Variants in TRNT1 observed in about 807,000 individuals in gnomAD.
The protein encoded by TRNT1 is tRNA nucleotidyl transferase 1.
A neutral mutation model predicts 45.6 loss-of-function variants in TRNT1; 44 were observed. The observed-to-expected ratio is 0.97, with a 90% CI of 0.76 to 1.24. The LOEUF is 1.24. Among genes scored for constraint, TRNT1 ranks in the 50% most tolerant of loss-of-function variants. TRNT1 has a pLI of 0.00. For synonymous variants in TRNT1, 201 were observed against 171.4 expected, an observed-to-expected ratio of 1.17 and a Z score of -1.35; for missense variants, 633 against 504.4, an observed-to-expected ratio of 1.25 and a Z score of -2.44.
intron 2 of TRNT1, chr3:3,136,590 C>A: frequency 2.4e-6 from 1 of 419,386 alleles, no homozygotes; most frequent in African/African-American, 2.1e-5. Context: ...AACATGTTAC[C>A]ATTTCTAAAG....
At chr3:3,146,744 A>G in intron 6 of TRNT1, 121 bp downstream of exon 6, 1 of 968,818 alleles carries the variant, frequency 1.0e-6, no homozygotes, top group Non-Finnish European at 1.5e-6. Context: ...GAGTATTTTA[A>G]AATAAGACAA....
chr3:3,152,642 T>G (rs1706657489), downstream of TRNT1: 1 of 1,603,908 alleles, frequency 6.2e-7, no homozygotes, highest in Admixed American at 1.7e-5. Context: ...CTAATTTTAT[T>G]AAATGCTTAG....
intron 2 of TRNT1, chr3:3,136,752 T>A (rs1459043835): frequency 2.6e-6 from 1 of 385,358 alleles, no homozygotes; most frequent in Non-Finnish European, 5.0e-6. Flanking sequence ...ACTCCTGGGC[T>A]CAAGCCATCC....
chr3:3,129,450 G>C, intron 2 of TRNT1: 1 of 421,816 alleles, frequency 2.4e-6, no homozygotes, highest in East Asian at 4.8e-5. Context: ...AGAAAGGCTT[G>C]GCTGGGTGTA....
intron 3 of TRNT1, 42 bp from the exon 4 acceptor site, chr3:3,140,468 C>T: frequency 1.3e-6 from 2 of 1,595,270 alleles, no homozygotes; most frequent in Middle Eastern, 1.7e-4. Context: ...GTATGAAAAC[C>T]TAATTTAAAT....
intron 2 of TRNT1, chr3:3,129,987 A>C: frequency 6.5e-7 from 1 of 1,549,928 alleles, no homozygotes; most frequent in Non-Finnish European, 8.7e-7. Context: ...GCACGTTGCA[A>C]AACCTGTCTG....
downstream of TRNT1, chr3:3,149,156 TTG>T (rs1706289865): frequency 2.0e-5 from 3 of 152,200 alleles, no homozygotes; most frequent in Non-Finnish European, 4.4e-5. Flanking sequence ...TAAAACAATT[TTG>T]TAGAGTGTAA....
At chr3:3,129,812 G>C (rs1318516805) in intron 2 of TRNT1, 2 of 1,480,148 alleles carry the variant, frequency 1.4e-6, no homozygotes, top group African/African-American at 2.8e-5. Flanking sequence ...CATGTGAAGT[G>C]CTTTGCCTGT....
At chr3:3,128,657 AG>A (rs1378504236) in intron 1 of TRNT1, among the ~76,000 whole-genome samples, 1 of 150,210 alleles carries the variant, frequency 6.7e-6, no homozygotes, top group Admixed American at 6.7e-5. Flanking sequence ...TTCAAGGTCC[AG>A]GAAAGGCCTA....
intron 2 of TRNT1, 29 bp from the exon 3 acceptor site, chr3:3,137,231 A>G: frequency 6.5e-7 from 1 of 1,536,954 alleles, no homozygotes; most frequent in Non-Finnish European, 8.8e-7. Flanking sequence ...AGAACTTGGG[A>G]ATAAAAATCT....
At position 3,148,210 on chromosome 3, in the gene TRNT1, C is replaced by A; in HGVS notation, c.*56C>A. 1 of 1,578,548 alleles carries A rather than the reference C, an allele frequency of 6.3e-7. No individual in the cohort carries two copies. On this transcript the variant is annotated 3_prime_UTR_variant, in exon 8 of 8. Coordinates refer to ENST00000251607, the MANE Select transcript of TRNT1 (RefSeq NM_182916.3). Reference sequence around the variant, plus strand: ...CTGGTAAGACTAAATTTTCTCCCCTCCCTCTTAATGAGGTTTTAGAGACTA... The same window carrying A: ...CTGGTAAGACTAAATTTTCTCCCCTACCTCTTAATGAGGTTTTAGAGACTA...
intron 2 of TRNT1, among the ~76,000 whole-genome samples, chr3:3,135,253 G>A (rs6765122): frequency 0.068 from 10,314 of 151,438 alleles, 663 homozygotes; most frequent in African/African-American, 0.17. Context: ...GAGGAAAACT[G>A]TGGGGAGAGT....
At position 3,148,843 on chromosome 3, in the gene TRNT1, T is replaced by C. The variant is rs1706251612; in HGVS notation, c.*689T>C. On this transcript the variant is annotated 3_prime_UTR_variant, in exon 8 of 8. Coordinates refer to ENST00000251607, the MANE Select transcript of TRNT1 (RefSeq NM_182916.3). ...TGTTTTAATAAAACAAACATTGGTA[T>C]TGGAAGATAAATATGTTTATGTGGT... 6.6e-6 allele frequency: 1 copy of C among 152,294 alleles called. No individual in the cohort carries two copies. Among genetic ancestry groups the C allele is most frequent in the East Asian group, 1.9e-4 (1 of 5,188 alleles). The allele number at this position is 152,294 out of a possible 1,614,324, so 9.4% of individuals were successfully genotyped here.
chr3:3,146,521 T>C lies in TRNT1; in HGVS notation c.700T>C (p.Ser234Pro), dbSNP rs763684893. The change falls in exon 6 of 8, where the codon TCA becomes CCA. Residue 234 changes from serine to proline, a missense_variant. Coordinates refer to ENST00000251607, the MANE Select transcript of TRNT1 (RefSeq NM_182916.3). ...AENAKGLAGI[S>P]GERIWVELKK... ...AAATGCAAAAGGCTTGGCTGGAATA[T>C]CAGGAGAAAGGATTTGGGTGGAACT... 2 of 1,614,108 alleles carry C rather than the reference T, an allele frequency of 1.2e-6. No individual in the cohort carries two copies. The highest frequency in any genetic ancestry group is 1.6e-4 in the Middle Eastern group (1 of 6,062).
chr3:3,153,257 C>T (rs1203756497), downstream of TRNT1: 2 of 574,518 alleles, frequency 3.5e-6, no homozygotes, highest in East Asian at 6.0e-5. Context: ...GCTCTGAGTA[C>T]CCAATCTGGA....
At chr3:3,140,455 G>C in intron 3 of TRNT1, 55 bp from the exon 4 acceptor site, 1 of 1,573,810 alleles carries the variant, frequency 6.4e-7, no homozygotes, top group Non-Finnish European at 8.7e-7. Flanking sequence ...TTTCAATTCA[G>C]TAGTATGAAA....
intron 1 of TRNT1, among the ~76,000 whole-genome samples, 162 bp from the exon 2 acceptor site, chr3:3,128,852 T>C (rs984475105): frequency 1.3e-5 from 2 of 152,216 alleles, no homozygotes; most frequent in African/African-American, 2.4e-5. Flanking sequence ...GGTAGATACA[T>C]AGACCTAGTC....
intron 2 of TRNT1, chr3:3,129,804 T>G: frequency 7.1e-7 from 1 of 1,418,080 alleles, no homozygotes; most frequent in Non-Finnish European, 9.7e-7. Context: ...TTGTTAGGCA[T>G]GTGAAGTGCT....
chr3:3,147,501 T>C lies in TRNT1; in HGVS notation c.854T>C (p.Val285Ala), dbSNP rs1706124209. 6.2e-7 allele frequency: 1 copy of C among 1,613,852 alleles called. No individual in the cohort carries two copies. The highest frequency in any genetic ancestry group is 8.5e-7 in the Non-Finnish European group (1 of 1,179,816). The change falls in exon 7 of 8, where the codon GTT (valine) becomes GCT (alanine). Residue 285 changes from valine (V) to alanine (A), a missense_variant. Transcript: ENST00000251607. ...GAATTTGACAAAGTCAGTAAAAATG[T>C]TGATGGTTTTTCACCAAAGCCAGTG... ...LEEFDKVSKN[V>A]DGFSPKPVTL...
Sources: allele counts gnomAD v4.1 joint callset (sites outside exome capture counted in the v4.1 genomes callset), GRCh38; gene constraint gnomAD v4.1.1; transcripts MANE v1.5; gene names NCBI Gene and HGNC (gene_info 2026-07-23, HGNC 2026-07-21).